EHMT1: variants seen among roughly 807,000 people sequenced by gnomAD.
EHMT1 encodes the protein euchromatic histone lysine methyltransferase 1.
EHMT1 carries 15 observed loss-of-function variants against 147.2 expected under a neutral mutation model. That is an observed-to-expected ratio of 0.10 (90% CI 0.07 to 0.16). The LOEUF is 0.16. Ranked by LOEUF, EHMT1 falls within the 10% of genes least tolerant of loss-of-function variation. EHMT1 has a pLI of 1.00. For missense variants in EHMT1, 1,587 were observed against 1,772.4 expected (o/e 0.90, Z 1.88); for synonymous variants, 795 against 709.6 (o/e 1.12, Z -1.91).
chr9:137,694,098 T>G (rs3123500), intron 1 of EHMT1, among the ~76,000 whole-genome samples: 443 of 29,374 alleles, frequency 0.015, 3 homozygotes, highest in Non-Finnish European at 0.02. Flanking sequence ...ACACAGTGGC[T>G]CAGGACGCTG....
intron 17 of EHMT1, among the ~76,000 whole-genome samples, chr9:137,799,169 G>A (rs964569655): frequency 2.6e-5 from 4 of 152,150 alleles, no homozygotes; most frequent in Admixed American, 2.0e-4. Flanking sequence ...ACCCTCCACG[G>A]CATCGCCTTC....
chr9:137,808,676 T>TGGGGGGGGGGGGGGGGGG (rs147011444), intron 18 of EHMT1, among the ~76,000 whole-genome samples: 1 of 58,446 alleles, frequency 1.7e-5, no homozygotes, highest in African/African-American at 3.6e-5. Flanking sequence ...GGGCGGGGGG[T>TGGGGGGGGGGGGGGGGGG]GGGGGGGGCG....
At chr9:137,698,509 C>G (rs1454563615) in intron 1 of EHMT1, among the ~76,000 whole-genome samples, 1 of 152,172 alleles carries the variant, frequency 6.6e-6, no homozygotes, top group Non-Finnish European at 1.5e-5. Flanking sequence ...ATTTTTAAAG[C>G]TAGTGAGCAG....
At chr9:137,626,500 G>A (rs1358718851) in intron 1 of EHMT1, among the ~76,000 whole-genome samples, 1 of 148,500 alleles carries the variant, frequency 6.7e-6, no homozygotes, top group African/African-American at 2.5e-5. Flanking sequence ...TCCAGCCTGG[G>A]TGACAGAGTG....
At chr9:137,753,169 G>A (rs912190315) in intron 7 of EHMT1, among the ~76,000 whole-genome samples, 1 of 152,120 alleles carries the variant, frequency 6.6e-6, no homozygotes, top group Non-Finnish European at 1.5e-5. Flanking sequence ...GGGAAAGCTC[G>A]GCAAGTTTGG....
At chr9:137,693,190 C>T (rs929315395) in intron 1 of EHMT1, among the ~76,000 whole-genome samples, 24 of 152,040 alleles carry the variant, frequency 1.6e-4, no homozygotes, top group African/African-American at 4.6e-4. Context: ...ACAGTGAGGC[C>T]GGGCTAAGGG....
rs1322192645 is a variant in EHMT1 at position 137,638,000 on chromosome 9, G to T, written c.21+18951G>T. The T allele has an allele frequency of 2.0e-5, 3 of 151,934 alleles. No individual in the cohort carries two copies. The East Asian group carries it at 5.8e-4, about 29-fold the overall frequency. 9.4% of individuals were successfully genotyped at this position (151,934 alleles called of 1,614,324 possible). A position where few individuals can be genotyped will look rare whatever the true frequency, so the allele number is the denominator to read the frequency against. The stretch of plus-strand genomic sequence containing the variant: ...TGTGACCATTTTTATTTCTGTCAGG[G>T]CTTGTGTTCCCCTTTGACGCTAATA... On this transcript the variant is annotated intron_variant, in intron 1 of 26. Transcript: ENST00000460843.
intron 1 of EHMT1, among the ~76,000 whole-genome samples, chr9:137,683,773 T>C (rs775742753): frequency 6.6e-6 from 1 of 152,192 alleles, no homozygotes; most frequent in Non-Finnish European, 1.5e-5. Context: ...TTTTTCCCTA[T>C]TAATTTCCTT....
intron 18 of EHMT1, among the ~76,000 whole-genome samples, chr9:137,810,533 T>C (rs1188064220): frequency 6.6e-6 from 1 of 152,250 alleles, no homozygotes; most frequent in Non-Finnish European, 1.5e-5. Flanking sequence ...GTTCATCTTT[T>C]TCTTACCTAC....
chr9:137,702,783 C>T (rs573335066), intron 1 of EHMT1, among the ~76,000 whole-genome samples: 11 of 152,226 alleles, frequency 7.2e-5, no homozygotes, highest in East Asian at 1.9e-4. Flanking sequence ...AGAGGCTCTC[C>T]GTGGGGGCTT....
intron 25 of EHMT1, among the ~76,000 whole-genome samples, chr9:137,830,100 C>CT (rs899678086): frequency 1.3e-3 from 180 of 139,264 alleles, no homozygotes; most frequent in Admixed American, 2.6e-3. Context: ...TGGATTTTTA[C>CT]TTTTTTTTTT....
At position 137,774,801 on chromosome 9, in the gene EHMT1, TG is replaced by T. The variant is rs558476357; in HGVS notation, c.1648-306del. Reference sequence around the variant, plus strand: ...TGGATCTGGTGGGTGTGGGCACGCCTGGCCCCCTGGATCTGGTGGGTGTGGT... The same window carrying T: ...TGGATCTGGTGGGTGTGGGCACGCCTGCCCCCTGGATCTGGTGGGTGTGGT... On this transcript the variant is annotated intron_variant, in intron 10 of 26. Transcript: ENST00000460843. 7.2e-3 allele frequency among the ~76,000 whole-genome samples: 1,013 copies of T among 140,294 alleles called. 6 individuals are homozygous for T. Among genetic ancestry groups the T allele is most frequent in the Non-Finnish European group, 0.012 (761 of 63,934 alleles). The allele number at this position is 140,294 out of a possible 152,430, so 92.0% of individuals were successfully genotyped here.
chr9:137,812,080 T>C (rs1005619732), intron 19 of EHMT1, among the ~76,000 whole-genome samples: 5 of 152,212 alleles, frequency 3.3e-5, no homozygotes, highest in African/African-American at 1.2e-4. Context: ...GGCTCACGCC[T>C]GTAATCCCAG....
intron 1 of EHMT1, among the ~76,000 whole-genome samples, chr9:137,642,838 A>G (rs1844591547): frequency 6.6e-6 from 1 of 152,178 alleles, no homozygotes; most frequent in African/African-American, 2.4e-5. Flanking sequence ...AGCTGCTTTT[A>G]TACTTTACCT....
Position 137,819,655 on chromosome 9 carries a change from G to C in EHMT1, c.3540+1517G>C, listed in dbSNP as rs922044708. Reference sequence around the variant, plus strand: ...TACCGAGACTGTAGAGAGGCTGAGGGGGGGGGCGCCGTGTGCCGAGACTGT... The same window carrying C: ...TACCGAGACTGTAGAGAGGCTGAGGCGGGGGGCGCCGTGTGCCGAGACTGT... On this transcript the variant is annotated intron_variant, in intron 25 of 26. Coordinates refer to ENST00000460843, the MANE Select transcript of EHMT1 (RefSeq NM_024757.5). Among the ~76,000 whole-genome samples, 7 of 125,692 alleles carry C rather than the reference G, an allele frequency of 5.6e-5. 1 individual carries two copies. The highest frequency in any genetic ancestry group is 4.1e-4 in the Admixed American group (4 of 9,762). 82.5% of individuals were successfully genotyped at this position (125,692 alleles called of 152,430 possible). A position where few individuals can be genotyped will look rare whatever the true frequency, so the allele number is the denominator to read the frequency against.
rs77345910 is a variant in EHMT1 at position 137,803,390 on chromosome 9, C to G, written c.2712+2406C>G. ...GCTTCACAGCCATGCCCAGCCCACCCCTGCCACCCATTGCTGGGCTTTCTG... is the reference window on the plus strand; with the variant it reads ...GCTTCACAGCCATGCCCAGCCCACCGCTGCCACCCATTGCTGGGCTTTCTG... On this transcript the variant is annotated intron_variant, in intron 18 of 26. Coordinates refer to ENST00000460843, the MANE Select transcript of EHMT1 (RefSeq NM_024757.5). 9.4e-5 allele frequency: 73 copies of G among 776,060 alleles called. 4 individuals carry two copies. The East Asian group carries it at 8.6e-3, about 92-fold the overall frequency. The allele number at this position is 776,060 out of a possible 1,614,324, so 48.1% of individuals were successfully genotyped here.
intron 14 of EHMT1, among the ~76,000 whole-genome samples, chr9:137,781,229 T>C (rs1951490326): frequency 1.1e-5 from 1 of 87,918 alleles, no homozygotes; most frequent in South Asian, 3.4e-4. Context: ...CGCTGGGACG[T>C]GTGGTGACGA....
chr9:137,695,509 T>C (rs1327899780), intron 1 of EHMT1, among the ~76,000 whole-genome samples: 11 of 152,208 alleles, frequency 7.2e-5, no homozygotes, highest in Admixed American at 7.2e-4. Flanking sequence ...GTTATCCCTT[T>C]GAGGGGACAG....
At chr9:137,702,033 A>T (rs1943880654) in intron 1 of EHMT1, among the ~76,000 whole-genome samples, 1 of 151,986 alleles carries the variant, frequency 6.6e-6, no homozygotes, top group Admixed American at 6.6e-5. Context: ...ACCTCAGGTG[A>T]TCTACTCGCC....
Sources: gnomAD v4.1 joint callset for allele counts (sites outside exome capture counted in the v4.1 genomes callset) on GRCh38, gnomAD v4.1.1 for gene constraint, MANE v1.5 for transcripts, NCBI Gene and HGNC (gene_info 2026-07-23, HGNC 2026-07-21) for gene names.